Variants in PTPRD observed in about 807,000 individuals in gnomAD.
The protein encoded by PTPRD is receptor-type tyrosine-protein phosphatase delta.
PTPRD carries 34 observed loss-of-function variants against 214.5 expected under a neutral mutation model. That is an observed-to-expected ratio of 0.16 (90% CI 0.12 to 0.21). The LOEUF is 0.21. PTPRD is among the 10% of genes least tolerant of loss of function. PTPRD has a pLI of 1.00. For synonymous variants in PTPRD, 1,128 were observed against 845.7 expected, an observed-to-expected ratio of 1.33 and a Z score of -5.79; for missense variants, 2,545 against 2,398.7, an observed-to-expected ratio of 1.06 and a Z score of -1.27.
chr9:10,569,049 C>G (rs1159755988), intron 2 of PTPRD, among the ~76,000 whole-genome samples: 1 of 152,050 alleles, frequency 6.6e-6, no homozygotes, highest in African/African-American at 2.4e-5. Context: ...TATCCAGAAT[C>G]TACCATGAAC....
intron 11 of PTPRD, among the ~76,000 whole-genome samples, chr9:8,864,023 C>G (rs1408237513): frequency 2.0e-5 from 3 of 152,132 alleles, no homozygotes; most frequent in African/African-American, 7.2e-5. Context: ...TAAAGGAACA[C>G]TCTACAGAGA....
intron 8 of PTPRD, among the ~76,000 whole-genome samples, chr9:9,504,058 C>T (rs1024336967): frequency 6.6e-6 from 1 of 151,660 alleles, no homozygotes; most frequent in Admixed American, 6.6e-5. Context: ...ACATAGTTAC[C>T]ATGGCAAGGG....
At chr9:8,499,442 C>G (rs888400949) in intron 25 of PTPRD, among the ~76,000 whole-genome samples, 1 of 152,120 alleles carries the variant, frequency 6.6e-6, no homozygotes, top group African/African-American at 2.4e-5. Flanking sequence ...TTTAATCAGA[C>G]TTGAGTGTCA....
chr9:8,671,956 A>G (rs779263983), intron 12 of PTPRD, among the ~76,000 whole-genome samples: 1 of 152,218 alleles, frequency 6.6e-6, no homozygotes, highest in African/African-American at 2.4e-5. Context: ...TCAAATATTC[A>G]TCAGGAAAGG....
chr9:8,519,765 C>T (rs1421511063), intron 20 of PTPRD, among the ~76,000 whole-genome samples: 1 of 152,108 alleles, frequency 6.6e-6, no homozygotes, highest in Admixed American at 6.6e-5. Flanking sequence ...AAGATTCACT[C>T]TTATGTTTTA....
At chr9:10,156,723 G>A (rs896125543) in intron 3 of PTPRD, among the ~76,000 whole-genome samples, 3 of 152,142 alleles carry the variant, frequency 2.0e-5, no homozygotes, top group Non-Finnish European at 4.4e-5. Flanking sequence ...GTCTAATACT[G>A]TCAGTGGTGT....
At chr9:9,768,818 A>G (rs1345008937) in intron 5 of PTPRD, among the ~76,000 whole-genome samples, 1 of 152,234 alleles carries the variant, frequency 6.6e-6, no homozygotes. Flanking sequence ...CCAGGCTATG[A>G]TGAATTTATC....
rs142452933 is a variant in PTPRD at position 10,245,442 on chromosome 9, T to A, written c.-545+95521A>T. On this transcript the variant is annotated intron_variant, in intron 3 of 45. Coordinates refer to ENST00000381196, the MANE Select transcript of PTPRD (RefSeq NM_002839.4). ...TAGTATTTTCAACAAAATGACTCCG[T>A]ACACAATGCATACCTATCTGTTCAA... Among the ~76,000 whole-genome samples the A allele has an allele frequency of 4.2e-3, 646 of 152,284 alleles. 6 individuals are homozygous for A. Among genetic ancestry groups the A allele is most frequent in the African/African-American group, 0.013 (561 of 41,588 alleles).
rs2099978143 is a variant in PTPRD, at chr9:9,257,292, A to T, written c.-202-73929T>A. ...TTATATGGCTAATGATTTTATAGAT[A>T]GTATGTATTTGTATTTACATTTTCC... On this transcript the variant is annotated intron_variant, in intron 9 of 45. Transcript: ENST00000381196. 2.6e-5 allele frequency among the ~76,000 whole-genome samples: 4 copies of T among 152,012 alleles called. No individual in the cohort carries two copies. The South Asian group carries it at 8.3e-4, about 32-fold the overall frequency.
chr9:10,136,164 T>C (rs367916421), intron 3 of PTPRD, among the ~76,000 whole-genome samples: 5 of 151,798 alleles, frequency 3.3e-5, no homozygotes, highest in African/African-American at 9.7e-5. Context: ...AATAAAATAT[T>C]CAATTCAACA....
chr9:9,142,291 C>T (rs553438072), intron 10 of PTPRD, among the ~76,000 whole-genome samples: 3 of 152,272 alleles, frequency 2.0e-5, no homozygotes, highest in Non-Finnish European at 2.9e-5. Context: ...AACAGGACCA[C>T]CAGGATGACT....
At chr9:9,456,835 A>G (rs1260240181) in intron 8 of PTPRD, among the ~76,000 whole-genome samples, 1 of 151,940 alleles carries the variant, frequency 6.6e-6, no homozygotes. Flanking sequence ...TAACTCCTGA[A>G]GTTTTATTCC....
chr9:10,605,464 G>T (rs940310198), intron 2 of PTPRD, among the ~76,000 whole-genome samples: 1 of 151,796 alleles, frequency 6.6e-6, no homozygotes, highest in Non-Finnish European at 1.5e-5. Flanking sequence ...GAACTTTGGA[G>T]AGTTGAACAC....
At chr9:10,500,866 C>A (rs146694842) in intron 2 of PTPRD, among the ~76,000 whole-genome samples, 1 of 151,790 alleles carries the variant, frequency 6.6e-6, no homozygotes, top group Non-Finnish European at 1.5e-5. Context: ...CATGTTATTG[C>A]GACCGACAGA....
intron 3 of PTPRD, among the ~76,000 whole-genome samples, chr9:10,060,612 C>T (rs1244871767): frequency 6.6e-6 from 1 of 151,852 alleles, no homozygotes; most frequent in Non-Finnish European, 1.5e-5. Context: ...AAGCAAATTG[C>T]ATTTTTAATT....
chr9:10,407,683 G>A (rs1311990615), intron 2 of PTPRD, among the ~76,000 whole-genome samples: 3 of 151,418 alleles, frequency 2.0e-5, no homozygotes, highest in Non-Finnish European at 4.4e-5. Flanking sequence ...TTCTATATCA[G>A]TATGTTTAAA....
chr9:8,816,107 G>GATTAAAC (rs1203076191), intron 11 of PTPRD, among the ~76,000 whole-genome samples: 1 of 152,158 alleles, frequency 6.6e-6, no homozygotes, highest in East Asian at 1.9e-4. Flanking sequence ...TCTGTTTACT[G>GATTAAAC]ATTAAACCCT....
chr9:8,380,007 C>T (rs1244507703), intron 37 of PTPRD, among the ~76,000 whole-genome samples: 3 of 152,188 alleles, frequency 2.0e-5, no homozygotes, highest in East Asian at 3.9e-4. Context: ...ACACTTAACC[C>T]AAATGGCTGG....
chr9:9,903,381 C>T lies in PTPRD; in HGVS notation c.-368+35126G>A, dbSNP rs549452741. 5.0e-4 allele frequency among the ~76,000 whole-genome samples: 76 copies of T among 152,144 alleles called. 1 individual carries two copies. The highest frequency in any genetic ancestry group is 1.8e-3 in the African/African-American group (75 of 41,534). ...CATTGTCTTTATAAAGATCTCTGTG[C>T]CTGTTGCCACATTAGTAAAACTGAG... On this transcript the variant is annotated intron_variant, in intron 5 of 45. Coordinates refer to ENST00000381196, the MANE Select transcript of PTPRD (RefSeq NM_002839.4).
Sources: gnomAD v4.1 joint callset for allele counts (sites outside exome capture counted in the v4.1 genomes callset) on GRCh38, gnomAD v4.1.1 for gene constraint, MANE v1.5 for transcripts, NCBI Gene and HGNC (gene_info 2026-07-23, HGNC 2026-07-21) for gene names.